Variants in GMDS observed in about 807,000 individuals in gnomAD.
GMDS encodes the protein GDP-mannose 4,6 dehydratase.
GMDS carries 20 observed loss-of-function variants against 49.9 expected under a neutral mutation model. That is an observed-to-expected ratio of 0.40 (90% CI 0.28 to 0.58). GMDS has a LOEUF of 0.58. Among genes scored for constraint, GMDS ranks in the 20% least tolerant of loss-of-function variants. The pLI, the probability that GMDS is intolerant of heterozygous loss-of-function variation, is 0.42. For synonymous variants in GMDS, 177 were observed against 178.6 expected (o/e 0.99, Z 0.07); for missense variants, 362 against 481.4 (o/e 0.75, Z 2.32).
At position 1,766,879 on chromosome 6, in the gene GMDS, C is replaced by T. The variant is rs538909821; in HGVS notation, c.772-24293G>A. ...ATGGGCCAGATCTGGTCAGCTAGGT[C>T]TCCCAGCTCAGCAATCTGGCTTAAA... On this transcript the variant is annotated intron_variant, in intron 7 of 10. Transcript: ENST00000380815. This position sits in a 1 kb window ranked among gnomAD's most constrained non-coding sequence, Gnocchi z 4.5. Among the ~76,000 whole-genome samples the T allele has an allele frequency of 3.9e-5, 6 of 152,360 alleles. No homozygotes were observed. Among genetic ancestry groups the T allele is most frequent in the African/African-American group, 9.6e-5 (4 of 41,600 alleles).
chr6:1,770,384 G>C (rs987556708), intron 7 of GMDS, among the ~76,000 whole-genome samples: 2 of 152,268 alleles, frequency 1.3e-5, no homozygotes, highest in African/African-American at 4.8e-5. Flanking sequence ...GTAAGGCACT[G>C]TACGTAAAGC....
At chr6:2,077,017 T>C (rs182127171) in intron 4 of GMDS, among the ~76,000 whole-genome samples, 2 of 152,282 alleles carry the variant, frequency 1.3e-5, no homozygotes, top group African/African-American at 4.8e-5. Context: ...CTTTACCTCC[T>C]TGGTTAAATT....
intron 1 of GMDS, among the ~76,000 whole-genome samples, chr6:2,148,716 G>T (rs532810536): frequency 1.3e-5 from 2 of 152,162 alleles, no homozygotes; most frequent in Non-Finnish European, 2.9e-5. Flanking sequence ...CACCACGTCC[G>T]GCCTGAAGTT....
chr6:1,712,681 G>A (rs1766015368), intron 9 of GMDS, among the ~76,000 whole-genome samples: 1 of 151,970 alleles, frequency 6.6e-6, no homozygotes, highest in Non-Finnish European at 1.5e-5. Context: ...TGAGGGTATC[G>A]GAAAGCTCAG....
intron 7 of GMDS, among the ~76,000 whole-genome samples, chr6:1,878,324 A>C (rs1759197799): frequency 6.6e-6 from 1 of 151,684 alleles, no homozygotes; most frequent in Non-Finnish European, 1.5e-5. Flanking sequence ...CAAAAAAAAA[A>C]AAAAAAAAAA....
At chr6:1,681,472 G>A (rs1764788809) in intron 9 of GMDS, among the ~76,000 whole-genome samples, 1 of 152,178 alleles carries the variant, frequency 6.6e-6, no homozygotes, top group African/African-American at 2.4e-5. Context: ...TGAAAGCTCT[G>A]CCATTCAGGA....
intron 1 of GMDS, among the ~76,000 whole-genome samples, chr6:2,217,408 A>G (rs1780390191): frequency 6.6e-6 from 1 of 151,260 alleles, no homozygotes; most frequent in Admixed American, 6.6e-5. Flanking sequence ...ATAGTAAAAT[A>G]TATGACATGT....
At chr6:1,985,454 A>T (rs955594158) in intron 4 of GMDS, among the ~76,000 whole-genome samples, 1 of 152,220 alleles carries the variant, frequency 6.6e-6, no homozygotes, top group Non-Finnish European at 1.5e-5. Context: ...ACTGAAGAGA[A>T]CATTTACTAC....
chr6:1,991,700 T>TAG (rs1304018362), intron 4 of GMDS, among the ~76,000 whole-genome samples: 1 of 152,214 alleles, frequency 6.6e-6, no homozygotes, highest in Non-Finnish European at 1.5e-5. Context: ...TCATGTTGCC[T>TAG]AGTGTGGGAT....
intron 9 of GMDS, among the ~76,000 whole-genome samples, chr6:1,631,797 C>T (rs1436039417): frequency 6.6e-6 from 1 of 152,194 alleles, no homozygotes; most frequent in East Asian, 1.9e-4. Context: ...CAAGGCCTAG[C>T]CAAACACCTG....
chr6:1,968,255 A>T (rs933823604), intron 4 of GMDS, among the ~76,000 whole-genome samples: 28 of 152,240 alleles, frequency 1.8e-4, no homozygotes, highest in African/African-American at 6.8e-4. Context: ...ACTATCACTT[A>T]TATTAGATGA....
At chr6:1,709,022 T>C (rs1246173148) in intron 9 of GMDS, among the ~76,000 whole-genome samples, 4 of 152,126 alleles carry the variant, frequency 2.6e-5, no homozygotes, top group Admixed American at 2.0e-4. Context: ...CTGTCTGATG[T>C]CCCCTGATTG....
chr6:2,036,742 G>A (rs1194839496), intron 4 of GMDS, among the ~76,000 whole-genome samples: 1 of 152,132 alleles, frequency 6.6e-6, no homozygotes, highest in East Asian at 1.9e-4. Context: ...CATATTCTAT[G>A]GGAAAAGTAA....
intron 4 of GMDS, among the ~76,000 whole-genome samples, chr6:1,986,703 G>A (rs867267091): frequency 1.3e-5 from 2 of 152,084 alleles, no homozygotes; most frequent in Admixed American, 6.5e-5. Context: ...CTGTCACAAA[G>A]CTTTAAGCAT....
At chr6:1,683,408 C>A (rs188111353) in intron 9 of GMDS, among the ~76,000 whole-genome samples, 2 of 152,202 alleles carry the variant, frequency 1.3e-5, no homozygotes, top group Admixed American at 1.3e-4. Context: ...CAGGCGTGAG[C>A]CACCGCGCGC....
intron 7 of GMDS, among the ~76,000 whole-genome samples, chr6:1,897,248 T>C (rs938734050): frequency 6.6e-6 from 1 of 152,214 alleles, no homozygotes; most frequent in African/African-American, 2.4e-5. Context: ...CACGTACTCC[T>C]GGGGTCTCTT....
intron 7 of GMDS, among the ~76,000 whole-genome samples, chr6:1,806,588 C>T (rs1286286027): frequency 1.3e-5 from 2 of 152,116 alleles, no homozygotes; most frequent in Non-Finnish European, 1.5e-5. Flanking sequence ...TGTTATTTGA[C>T]ACCAAAACCG....
intron 9 of GMDS, among the ~76,000 whole-genome samples, chr6:1,709,886 C>G (rs1368254824): frequency 6.6e-6 from 1 of 152,190 alleles, no homozygotes; most frequent in African/African-American, 2.4e-5. Flanking sequence ...CTAAACCTGC[C>G]TAACTCGACT....
chr6:2,112,802 C>T (rs1774623693), intron 4 of GMDS, among the ~76,000 whole-genome samples: 1 of 152,094 alleles, frequency 6.6e-6, no homozygotes, highest in Admixed American at 6.6e-5. Flanking sequence ...AGCCTCATCC[C>T]CTCTTGCTTG....
Sources: allele counts gnomAD v4.1 joint callset (sites outside exome capture counted in the v4.1 genomes callset), GRCh38; gene constraint gnomAD v4.1.1; non-coding constraint Gnocchi (gnomAD v3.1); transcripts MANE v1.5; gene names NCBI Gene and HGNC (gene_info 2026-07-23, HGNC 2026-07-21).